ALDH18A1: variants seen among roughly 807,000 people sequenced by gnomAD.
The protein encoded by ALDH18A1 is aldehyde dehydrogenase 18 family member A1.
A neutral mutation model predicts 88.8 loss-of-function variants in ALDH18A1; 44 were observed. The ratio of observed to expected loss-of-function variants is 0.50; its 90% CI spans 0.39 to 0.64. The LOEUF (loss-of-function observed/expected upper bound fraction) is 0.64, where lower values mean the gene tolerates loss of function less well. Ranked by LOEUF, ALDH18A1 falls within the 30% of genes least tolerant of loss-of-function variation. The pLI is 0.00. For synonymous variants in ALDH18A1, 331 were observed against 372.1 expected (o/e 0.89, Z 1.27); for missense variants, 782 against 1,009.5 (o/e 0.77, Z 3.05).
At chr10:95,610,382 G>T (rs2097831693) in intron 16 of ALDH18A1, 90 bp from the exon 17 acceptor site, 1 of 1,309,766 alleles carries the variant, frequency 7.6e-7, no homozygotes, top group Non-Finnish European at 1.1e-6. Flanking sequence ...ATCAGGGCAG[G>T]GTCTGGGTCC....
chr10:95,648,426 AT>A (rs1214750609), intron 2 of ALDH18A1, among the ~76,000 whole-genome samples: 1 of 152,100 alleles, frequency 6.6e-6, no homozygotes, highest in Non-Finnish European at 1.5e-5. Context: ...CATTATTATT[AT>A]TATCCCCATT....
At chr10:95,620,007 C>A (rs918153318) in intron 12 of ALDH18A1, among the ~76,000 whole-genome samples, 1 of 152,150 alleles carries the variant, frequency 6.6e-6, no homozygotes, top group Non-Finnish European at 1.5e-5. Flanking sequence ...AGGCAACCTA[C>A]AGAATGGAGA....
intron 13 of ALDH18A1, 113 bp downstream of exon 13, chr10:95,616,364 C>CA: frequency 7.0e-7 from 1 of 1,426,790 alleles, no homozygotes; most frequent in East Asian, 2.5e-5. Context: ...GCTGGAGTGT[C>CA]AAGTCTGCTT....
At chr10:95,627,399 A>G (rs767812992) in intron 9 of ALDH18A1, 43 bp downstream of exon 9, 18 of 1,612,258 alleles carry the variant, frequency 1.1e-5, no homozygotes, top group Non-Finnish European at 1.3e-5. Context: ...AGGTGTCACT[A>G]GTTCCCATCA....
chr10:95,610,160 A>T, intron 17 of ALDH18A1, 37 bp downstream of exon 17: 1 of 1,599,844 alleles, frequency 6.3e-7, no homozygotes, highest in Non-Finnish European at 8.6e-7. Flanking sequence ...AGTGCTTCAC[A>T]AGGAACTTCT....
At chr10:95,618,276 T>A (rs2097847070) in intron 12 of ALDH18A1, among the ~76,000 whole-genome samples, 1 of 152,142 alleles carries the variant, frequency 6.6e-6, no homozygotes, top group African/African-American at 2.4e-5. Context: ...AACGCATGCT[T>A]TCTCAACCAG....
chr10:95,614,275 A>G (rs768242916), intron 13 of ALDH18A1, 114 bp from the exon 14 acceptor site: 87 of 1,135,582 alleles, frequency 7.7e-5, no homozygotes, highest in Non-Finnish European at 1.1e-4. Flanking sequence ...TAAGTGAGAC[A>G]CTGTGAAAAC....
Position 95,606,395 on chromosome 10 carries a change from G to A in ALDH18A1, c.*367C>T, listed in dbSNP as rs958335649. The A allele has an allele frequency of 3.8e-6, 4 of 1,053,228 alleles. No homozygotes were observed. Among genetic ancestry groups the A allele is most frequent in the Admixed American group, 9.8e-5 (2 of 20,408 alleles). The allele number at this position is 1,053,228 out of a possible 1,614,324, so 65.2% of individuals were successfully genotyped here. The stretch of plus-strand genomic sequence containing the variant: ...GTGAAAAGATTTGTTAAGGATGACT[G>A]GCTCTAGTACCAACTAAATGCCAAG... On this transcript the variant is annotated 3_prime_UTR_variant, in exon 18 of 18. Transcript: ENST00000371224.
chr10:95,608,928 C>T lies in ALDH18A1; in HGVS notation c.2206+1269G>A, dbSNP rs185324797. Among the ~76,000 whole-genome samples the T allele has an allele frequency of 3.8e-4, 58 of 152,180 alleles. No individual in the cohort carries two copies. The East Asian group carries it at 3.9e-3, about 10-fold the overall frequency. ...TTAGCTCTTGTTGCCCAGGCTAGAG[C>T]GCAATGGTGCGGTCTCGGCTCACTG... On this transcript the variant is annotated intron_variant, in intron 17 of 17. Coordinates refer to ENST00000371224, the MANE Select transcript of ALDH18A1 (RefSeq NM_002860.4).
intron 17 of ALDH18A1, among the ~76,000 whole-genome samples, chr10:95,608,367 C>T (rs991037529): frequency 1.5e-4 from 23 of 152,176 alleles, no homozygotes; most frequent in Non-Finnish European, 1.5e-5. Context: ...AAATGGGGAA[C>T]TAAAAATAAA....
chr10:95,649,401 C>T (rs892595784), intron 2 of ALDH18A1, among the ~76,000 whole-genome samples: 1 of 144,210 alleles, frequency 6.9e-6, no homozygotes, highest in African/African-American at 2.6e-5. Flanking sequence ...GTCACCCAGG[C>T]TAGAGTGCAG....
In ALDH18A1 at chr10:95,616,402, T is replaced by A. The variant is rs1434230355; in HGVS notation, c.1605+75A>T. 70 of 1,541,196 alleles carry A rather than the reference T, an allele frequency of 4.5e-5. 1 individual carries two copies. Among genetic ancestry groups the A allele is most frequent in the Non-Finnish European group, 5.2e-5 (59 of 1,140,216 alleles). ...AGTAGTGTCTTGGCTCTGTGTGGCC[T>A]AAGTTTTGCTTTAAATTCCCAAACA... On this transcript the variant is annotated intron_variant, in intron 13 of 17. Transcript: ENST00000371224.
chr10:95,647,015 T>C (rs1018787470), intron 2 of ALDH18A1, among the ~76,000 whole-genome samples: 1 of 152,210 alleles, frequency 6.6e-6, no homozygotes, highest in Non-Finnish European at 1.5e-5. Context: ...CATTGCCTTC[T>C]CTGTTTATCT....
chr10:95,622,896 C>T (rs1319953697), intron 11 of ALDH18A1, among the ~76,000 whole-genome samples: 3 of 152,014 alleles, frequency 2.0e-5, no homozygotes, highest in African/African-American at 7.3e-5. Context: ...CACACACAAA[C>T]ATGTACGTAC....
intron 11 of ALDH18A1, among the ~76,000 whole-genome samples, chr10:95,625,000 T>C (rs1300682755): frequency 6.6e-6 from 1 of 152,224 alleles, no homozygotes; most frequent in Non-Finnish European, 1.5e-5. Context: ...AATGACATCC[T>C]GACTGCATAG....
intron 12 of ALDH18A1, among the ~76,000 whole-genome samples, chr10:95,618,342 GATGGT>G (rs1481055881): frequency 1.3e-5 from 2 of 152,236 alleles, no homozygotes; most frequent in East Asian, 3.9e-4. Flanking sequence ...TCTTTTTTGA[GATGGT>G]ATCTCGCCCT....
chr10:95,610,052 G>A (rs906834556), intron 17 of ALDH18A1, 145 bp downstream of exon 17: 4 of 790,854 alleles, frequency 5.1e-6, no homozygotes, highest in Non-Finnish European at 8.3e-6. Context: ...TTACAGGCGT[G>A]AGCCACGGCA....
intron 2 of ALDH18A1, among the ~76,000 whole-genome samples, chr10:95,646,420 G>A (rs957345139): frequency 3.3e-5 from 5 of 152,164 alleles, no homozygotes; most frequent in African/African-American, 9.7e-5. Flanking sequence ...GGTAACAGCA[G>A]TAGATAAGGC....
intron 7 of ALDH18A1, among the ~76,000 whole-genome samples, chr10:95,629,839 A>G (rs892363961): frequency 3.3e-5 from 5 of 152,210 alleles, no homozygotes; most frequent in African/African-American, 1.2e-4. Context: ...ATGCCAGTCT[A>G]CCAATGACCC....
Sources: gnomAD v4.1 joint callset for allele counts (sites outside exome capture counted in the v4.1 genomes callset) on GRCh38, gnomAD v4.1.1 for gene constraint, MANE v1.5 for transcripts, NCBI Gene and HGNC (gene_info 2026-07-23, HGNC 2026-07-21) for gene names.